The following DPP10 variants were observed in gnomAD, a reference collection of about 807,000 sequenced individuals.
DPP10 encodes the protein dipeptidyl peptidase like 10.
In DPP10, 33 loss-of-function variants were observed where a neutral mutation model predicts 120.9. The ratio of observed to expected loss-of-function variants is 0.27; its 90% CI spans 0.21 to 0.37. The LOEUF (loss-of-function observed/expected upper bound fraction) is 0.37, where lower values mean the gene tolerates loss of function less well. Ranked by LOEUF, DPP10 falls within the 10% of genes least tolerant of loss-of-function variation. The pLI is 1.00. For missense variants in DPP10, 816 were observed against 942.8 expected (o/e 0.87, Z 1.76); for synonymous variants, 337 against 326.1 (o/e 1.03, Z -0.36).
chr2:115,712,716 C>T (rs1230559507), intron 7 of DPP10, among the ~76,000 whole-genome samples: 1 of 150,390 alleles, frequency 6.6e-6, no homozygotes, highest in Non-Finnish European at 1.5e-5. Context: ...GTAGGTGCTT[C>T]TACAATAAGA....
At chr2:115,529,145 G>A (rs1235990880) in intron 5 of DPP10, among the ~76,000 whole-genome samples, 1 of 151,814 alleles carries the variant, frequency 6.6e-6, no homozygotes, top group Non-Finnish European at 1.5e-5. Context: ...TTTTTAAAAA[G>A]TCCTAAAATA....
chr2:114,824,934 C>A (rs752103540), intron 1 of DPP10, among the ~76,000 whole-genome samples: 1 of 152,152 alleles, frequency 6.6e-6, no homozygotes. Context: ...ACCCTGGTAA[C>A]CCTGGAGTGG....
intron 10 of DPP10, among the ~76,000 whole-genome samples, chr2:115,746,600 A>G (rs956507644): frequency 1.3e-5 from 2 of 152,170 alleles, no homozygotes; most frequent in East Asian, 1.9e-4. Context: ...AAGATTCTCT[A>G]GCTTTCTTCT....
At chr2:115,676,065 T>G (rs2090229550) in intron 5 of DPP10, among the ~76,000 whole-genome samples, 2 of 152,136 alleles carry the variant, frequency 1.3e-5, no homozygotes, top group South Asian at 4.1e-4. Flanking sequence ...GACATGCATA[T>G]TCCCCAGAGC....
intron 3 of DPP10, among the ~76,000 whole-genome samples, chr2:115,385,567 G>A (rs2106511339): frequency 6.6e-6 from 1 of 152,074 alleles, no homozygotes; most frequent in East Asian, 1.9e-4. Context: ...ATGTTGGCCA[G>A]GCTGTTCTTG....
At chr2:115,357,392 G>A (rs867842329) in intron 3 of DPP10, among the ~76,000 whole-genome samples, 1 of 152,238 alleles carries the variant, frequency 6.6e-6, no homozygotes. Context: ...CAATAAGGCA[G>A]TCATAAACCT....
rs1699001799 is a variant in DPP10 at position 114,681,155 on chromosome 2, AATC to A, written c.60+238320_60+238322del. Among the ~76,000 whole-genome samples, 6 of 152,102 alleles carry A rather than the reference AATC, an allele frequency of 3.9e-5. No homozygotes were observed. In the South Asian group the frequency reaches 1.2e-3, roughly 31 times the overall value. ...TTTTCTGAAGTCTTTTTCAATGTTC[AATC>A]ATATTAGCCTATCATGTTGCTTACT... On this transcript the variant is annotated intron_variant, in intron 1 of 25. Transcript: ENST00000410059.
At chr2:114,749,868 A>G (rs1679038157) in intron 1 of DPP10, among the ~76,000 whole-genome samples, 1 of 152,196 alleles carries the variant, frequency 6.6e-6, no homozygotes. Flanking sequence ...AATTTGTCCT[A>G]GATCCTCCAC....
chr2:115,021,872 A>G (rs1703102370), intron 1 of DPP10, among the ~76,000 whole-genome samples: 2 of 152,154 alleles, frequency 1.3e-5, no homozygotes, highest in African/African-American at 4.8e-5. Flanking sequence ...AAGTCAACAA[A>G]TGTGATACAC....
chr2:115,008,782 A>C (rs1434120982), intron 1 of DPP10, among the ~76,000 whole-genome samples: 3 of 54,550 alleles, frequency 5.5e-5, no homozygotes, highest in African/African-American at 1.5e-4. Flanking sequence ...GTGAACAGAC[A>C]CTTCTCAAAA....
At chr2:115,698,664 A>G (rs1156666191) in intron 7 of DPP10, among the ~76,000 whole-genome samples, 2 of 152,312 alleles carry the variant, frequency 1.3e-5, no homozygotes, top group East Asian at 3.9e-4. Context: ...CAAAGCTGCC[A>G]TCTGTAAGCC....
chr2:114,964,679 G>T lies in DPP10; in HGVS notation c.61-344560G>T, dbSNP rs139975622. ...GCTATATGGTTGGAGCAGATAGAGGGAAGTAAGTAGGATATCAGTTTAGAA... is the reference window on the plus strand; with the variant it reads ...GCTATATGGTTGGAGCAGATAGAGGTAAGTAAGTAGGATATCAGTTTAGAA... On this transcript the variant is annotated intron_variant, in intron 1 of 25. Coordinates refer to ENST00000410059, the MANE Select transcript of DPP10 (RefSeq NM_020868.6). Among the ~76,000 whole-genome samples, 354 of 152,258 alleles carry T rather than the reference G, an allele frequency of 2.3e-3. 2 individuals carry two copies. Among genetic ancestry groups the T allele is most frequent in the Middle Eastern group, 6.8e-3 (2 of 294 alleles).
chr2:115,813,603 A>G (rs1375096996), intron 19 of DPP10, among the ~76,000 whole-genome samples: 1 of 152,226 alleles, frequency 6.6e-6, no homozygotes, highest in Non-Finnish European at 1.5e-5. Flanking sequence ...AGCCCCTAAC[A>G]GCTTTTAATA....
intron 1 of DPP10, among the ~76,000 whole-genome samples, chr2:115,050,624 G>A (rs1240361799): frequency 2.0e-5 from 3 of 152,144 alleles, no homozygotes; most frequent in Non-Finnish European, 4.4e-5. Context: ...GGGGAATAAA[G>A]GCTTTGAAAA....
At chr2:115,043,419 C>A (rs1189290648) in intron 1 of DPP10, among the ~76,000 whole-genome samples, 1 of 152,184 alleles carries the variant, frequency 6.6e-6, no homozygotes, top group Admixed American at 6.5e-5. Flanking sequence ...AAAGTACCCT[C>A]ATCACAAAAT....
intron 1 of DPP10, among the ~76,000 whole-genome samples, chr2:114,839,082 G>A (rs1041054014): frequency 6.6e-6 from 1 of 151,996 alleles, no homozygotes; most frequent in African/African-American, 2.4e-5. Context: ...TTGAAAATCA[G>A]CCTCATAATT....
intron 5 of DPP10, among the ~76,000 whole-genome samples, chr2:115,611,118 T>A (rs5023298): frequency 0.99 from 150,372 of 152,244 alleles, 74,292 homozygotes; most frequent in East Asian, 1. Context: ...GTGCATTTTT[T>A]AAAATCTTCA....
intron 1 of DPP10, among the ~76,000 whole-genome samples, chr2:115,251,902 T>G (rs911187003): frequency 1.3e-5 from 2 of 152,224 alleles, no homozygotes; most frequent in Non-Finnish European, 2.9e-5. Context: ...AAAATGGTTT[T>G]AGGTAGATTT....
intron 1 of DPP10, among the ~76,000 whole-genome samples, chr2:114,945,793 G>A (rs894909314): frequency 6.6e-6 from 1 of 152,140 alleles, no homozygotes; most frequent in African/African-American, 2.4e-5. Context: ...TCCAGCCTGG[G>A]CAACACGAGG....
Sources: allele counts gnomAD v4.1 joint callset (sites outside exome capture counted in the v4.1 genomes callset), GRCh38; gene constraint gnomAD v4.1.1; transcripts MANE v1.5; gene names NCBI Gene and HGNC (gene_info 2026-07-23, HGNC 2026-07-21).